Variants in TFEC observed in about 807,000 individuals in gnomAD.
TFEC encodes transcription factor EC, also known as class E basic helix-loop-helix protein 34.
In TFEC, 31 loss-of-function variants were observed where a neutral mutation model predicts 41.6. The observed-to-expected ratio is 0.74, with a 90% confidence interval of 0.56 to 1.01. The LOEUF (loss-of-function observed/expected upper bound fraction) is 1.01. Among genes scored for constraint, TFEC ranks in the 50% least tolerant of loss-of-function variants. The probability of loss-of-function intolerance (pLI) is 0.00; values close to 1 mark genes in which losing one functional copy is unlikely to be tolerated. For missense variants in TFEC, 402 were observed against 404.1 expected (o/e 0.99, Z 0.04); for synonymous variants, 143 against 140.6 (o/e 1.02, Z -0.12).
At position 116,048,006 on chromosome 7, in the gene TFEC, G is replaced by A. The variant is rs1489918944; in HGVS notation, c.198+62702C>T. Among the ~76,000 whole-genome samples the A allele has an allele frequency of 2.6e-5, 4 of 152,084 alleles. No homozygotes were observed. In the East Asian group the frequency reaches 5.8e-4, roughly 22 times the overall value. ...TACATCACCATCATCAAAGACCAAA[G>A]GTAGATAAAACCACAAAGATGGGGA... On this transcript the variant is annotated intron_variant, in intron 3 of 8. Transcript: ENST00000484212.
intron 3 of TFEC, among the ~76,000 whole-genome samples, chr7:116,061,060 AAT>A (rs1796544910): frequency 6.6e-6 from 1 of 152,124 alleles, no homozygotes; most frequent in African/African-American, 2.4e-5. Context: ...TTGATCCATA[AAT>A]AGATTCAGCA....
At chr7:116,154,205 T>G (rs1054333793) in intron 1 of TFEC, among the ~76,000 whole-genome samples, 3 of 152,138 alleles carry the variant, frequency 2.0e-5, no homozygotes, top group African/African-American at 7.2e-5. Context: ...ATGTACTGGG[T>G]GACCTATGAA....
intron 1 of TFEC, among the ~76,000 whole-genome samples, chr7:115,991,803 C>A (rs1406760539): frequency 6.6e-6 from 1 of 152,180 alleles, no homozygotes; most frequent in Non-Finnish European, 1.5e-5. Context: ...ATCAACAAGA[C>A]AGAAAGTTAA....
chr7:116,112,281 G>A (rs1015502150), intron 1 of TFEC, among the ~76,000 whole-genome samples: 1 of 151,914 alleles, frequency 6.6e-6, no homozygotes, highest in African/African-American at 2.4e-5. Flanking sequence ...ACAAAAGTAT[G>A]GTACTAACAA....
At position 116,061,404 on chromosome 7, in the gene TFEC, C is replaced by T. The variant is rs555680172; in HGVS notation, c.198+49304G>A. On this transcript the variant is annotated intron_variant, in intron 3 of 8. Coordinates refer to the TFEC transcript ENST00000484212. ...AATTATTCTGGAGAAGTTAGACATG[C>T]CAAAAAATGAATTTTTAATCCATAA... Among the ~76,000 whole-genome samples the T allele has an allele frequency of 4.6e-5, 7 of 151,940 alleles. No homozygotes were observed. In the South Asian group the frequency reaches 1.2e-3, roughly 27 times the overall value.
chr7:115,970,906 C>G (rs1365838847), intron 3 of TFEC, among the ~76,000 whole-genome samples: 2 of 151,906 alleles, frequency 1.3e-5, no homozygotes. Flanking sequence ...GCAAATAATC[C>G]CCTTTTCTTT....
chr7:116,066,192 G>A (rs924970692), intron 3 of TFEC, among the ~76,000 whole-genome samples: 2 of 152,076 alleles, frequency 1.3e-5, no homozygotes, highest in South Asian at 2.1e-4. Flanking sequence ...GCCATTAGAC[G>A]TTTGAATGAC....
chr7:115,977,910 A>T (rs1793456263), intron 2 of TFEC, among the ~76,000 whole-genome samples: 1 of 151,556 alleles, frequency 6.6e-6, no homozygotes, highest in African/African-American at 2.4e-5. Flanking sequence ...GTAGAAAAAA[A>T]CATAATGATG....
chr7:116,157,246 C>T (rs1798888450), intron 1 of TFEC: 2 of 152,194 alleles, frequency 1.3e-5, no homozygotes, highest in Admixed American at 1.3e-4. Flanking sequence ...CCTTTGCCCC[C>T]TTTCTTTCCC....
At chr7:116,156,404 C>G (rs1182067643) in intron 1 of TFEC, among the ~76,000 whole-genome samples, 1 of 152,162 alleles carries the variant, frequency 6.6e-6, no homozygotes, top group Non-Finnish European at 1.5e-5. Flanking sequence ...AAATAACCTT[C>G]ATATCAGTCC....
upstream of TFEC, among the ~76,000 whole-genome samples, chr7:116,031,111 A>G (rs1160835903): frequency 6.6e-6 from 1 of 152,162 alleles, no homozygotes; most frequent in Non-Finnish European, 1.5e-5. Flanking sequence ...TTCACAATGA[A>G]CATTTCTTCA....
At chr7:116,159,721 T>A (rs555935624) in intron 1 of TFEC, 1 of 152,274 alleles carries the variant, frequency 6.6e-6, no homozygotes, top group East Asian at 1.9e-4. Flanking sequence ...GCCATATGAT[T>A]TTAAAGCCCA....
At chr7:116,042,085 T>G (rs1796050737) in intron 3 of TFEC, among the ~76,000 whole-genome samples, 1 of 152,032 alleles carries the variant, frequency 6.6e-6, no homozygotes, top group Non-Finnish European at 1.5e-5. Context: ...CAGGTGAATG[T>G]AGGTGACACA....
intron 3 of TFEC, among the ~76,000 whole-genome samples, chr7:116,054,823 G>A (rs911140853): frequency 1.3e-4 from 19 of 151,966 alleles, no homozygotes; most frequent in Non-Finnish European, 2.5e-4. Flanking sequence ...TTACTTACAG[G>A]CTGAACTCCT....
At chr7:116,159,038 T>C (rs1371240738) in intron 1 of TFEC, among the ~76,000 whole-genome samples, 2 of 151,884 alleles carry the variant, frequency 1.3e-5, no homozygotes, top group African/African-American at 4.8e-5. Context: ...ATACCATTCA[T>C]ATATAGTTCA....
At chr7:116,129,072 C>A (rs1053575156) in intron 1 of TFEC, among the ~76,000 whole-genome samples, 2 of 151,664 alleles carry the variant, frequency 1.3e-5, no homozygotes, top group African/African-American at 4.8e-5. Context: ...TAAGTTAAAA[C>A]CAGTCAGAAA....
At chr7:115,982,457 A>G (rs1255758305) in intron 2 of TFEC, among the ~76,000 whole-genome samples, 1 of 152,204 alleles carries the variant, frequency 6.6e-6, no homozygotes, top group Non-Finnish European at 1.5e-5. Flanking sequence ...GCGACAACAC[A>G]GGGTATATCC....
chr7:116,031,848 T>C (rs1297510975), upstream of TFEC, among the ~76,000 whole-genome samples: 1 of 152,132 alleles, frequency 6.6e-6, no homozygotes, highest in Non-Finnish European at 1.5e-5. Flanking sequence ...TGTTTTATCA[T>C]ACATCTAAAT....
At chr7:115,983,853 A>G (rs892338747) in intron 2 of TFEC, among the ~76,000 whole-genome samples, 1 of 152,106 alleles carries the variant, frequency 6.6e-6, no homozygotes, top group Non-Finnish European at 1.5e-5. Flanking sequence ...GTCTTATTCT[A>G]ATAGTCAATT....
Sources: gnomAD v4.1 joint callset for allele counts (sites outside exome capture counted in the v4.1 genomes callset) on GRCh38, gnomAD v4.1.1 for gene constraint, MANE v1.5 for transcripts, NCBI Gene and HGNC (gene_info 2026-07-23, HGNC 2026-07-21) for gene names.